The following RGS6 variants were observed in gnomAD, a reference collection of about 807,000 sequenced individuals.
RGS6 encodes the protein regulator of G protein signaling 6.
RGS6 carries 30 observed loss-of-function variants against 78.5 expected under a neutral mutation model. The ratio of observed to expected loss-of-function variants is 0.38; its 90% CI spans 0.29 to 0.52. The LOEUF is 0.52. Ranked by LOEUF, RGS6 falls within the 20% of genes least tolerant of loss-of-function variation. The probability of loss-of-function intolerance (pLI) is 0.85; values close to 1 mark genes in which losing one functional copy is unlikely to be tolerated. For missense variants in RGS6, 495 were observed against 609.7 expected (o/e 0.81, Z 1.98); for synonymous variants, 206 against 206.0 (o/e 1.00, Z 0.00).
At chr14:72,419,641 A>G (rs2094053425) in intron 3 of RGS6, among the ~76,000 whole-genome samples, 1 of 152,166 alleles carries the variant, frequency 6.6e-6, no homozygotes, top group Admixed American at 6.5e-5. Context: ...ACCCTGTGGG[A>G]TGGATAAATC....
intron 2 of RGS6, among the ~76,000 whole-genome samples, chr14:72,053,133 CTTTT>C (rs1210264222): frequency 8.3e-6 from 1 of 119,776 alleles, no homozygotes; most frequent in East Asian, 2.6e-4. Flanking sequence ...TCCTTCCTTT[CTTTT>C]TTTGATGGAG....
At chr14:72,464,106 A>AAG in intron 6 of RGS6, among the ~76,000 whole-genome samples, 1 of 152,344 alleles carries the variant, frequency 6.6e-6, no homozygotes, top group East Asian at 1.9e-4. Flanking sequence ...AAAGTGCATC[A>AAG]AGAATGTAAA....
rs763531026 is a variant in RGS6, at chr14:72,518,341, C to A, written c.1092-10C>A. On this transcript the variant is annotated splice_polypyrimidine_tract_variant and intron_variant, in intron 14 of 17. Transcript: ENST00000553525. The stretch of plus-strand genomic sequence containing the variant: ...CCCTGGAACTGACTGTGTTTCTGCT[C>A]CCACTTCAGGTTCTGGCTGGCTGTC... 6.2e-7 allele frequency: 1 copy of A among 1,610,866 alleles called. No individual in the cohort carries two copies. Among genetic ancestry groups the A allele is most frequent in the African/African-American group, 1.3e-5 (1 of 74,824 alleles).
intron 16 of RGS6, among the ~76,000 whole-genome samples, chr14:72,539,218 T>C (rs1322292235): frequency 6.6e-6 from 1 of 152,152 alleles, no homozygotes; most frequent in Non-Finnish European, 1.5e-5. Context: ...GGGCTTTGCC[T>C]CTCCTCGCTC....
At chr14:72,294,562 C>T (rs1567684795) in intron 2 of RGS6, among the ~76,000 whole-genome samples, 1 of 152,134 alleles carries the variant, frequency 6.6e-6, no homozygotes, top group African/African-American at 2.4e-5. Flanking sequence ...TATAAAGAAA[C>T]GAGGTTTAAT....
At chr14:72,572,208 CT>C in the RGS6 span, among the ~76,000 whole-genome samples, 1 of 152,110 alleles carries the variant, frequency 6.6e-6, no homozygotes. Context: ...ATGTAAAATG[CT>C]GCAGCCGCTT....
At chr14:72,194,935 A>G (rs1024543636) in intron 2 of RGS6, among the ~76,000 whole-genome samples, 1 of 152,060 alleles carries the variant, frequency 6.6e-6, no homozygotes, top group African/African-American at 2.4e-5. Flanking sequence ...GGCTGGGTGC[A>G]GTGGCTCACA....
At chr14:71,978,776 A>G (rs995193261) in intron 2 of RGS6, among the ~76,000 whole-genome samples, 3 of 152,206 alleles carry the variant, frequency 2.0e-5, no homozygotes, top group Non-Finnish European at 2.9e-5. Flanking sequence ...CGCTGGCCTC[A>G]TAAAATGAGT....
At chr14:72,550,465 A>C in intron 17 of RGS6, 1 of 1,535,612 alleles carries the variant, frequency 6.5e-7, no homozygotes, top group Non-Finnish European at 8.7e-7. Flanking sequence ...GAAAAGACAG[A>C]CTGTCAAGCA....
At chr14:71,944,197 C>T (rs2091114386) in intron 1 of RGS6, among the ~76,000 whole-genome samples, 1 of 152,222 alleles carries the variant, frequency 6.6e-6, no homozygotes, top group African/African-American at 2.4e-5. Context: ...GCCTACAAAA[C>T]TATGGGTCCG....
At chr14:72,616,095 C>A in the RGS6 span, among the ~76,000 whole-genome samples, 1 of 152,148 alleles carries the variant, frequency 6.6e-6, no homozygotes, top group African/African-American at 2.4e-5. Flanking sequence ...AGACCCGGGC[C>A]AGGATCTTTA....
chr14:71,884,417 T>C, the RGS6 span, among the ~76,000 whole-genome samples: 11 of 152,202 alleles, frequency 7.2e-5, no homozygotes, highest in African/African-American at 2.7e-4. Context: ...AGTGAGGTTA[T>C]TTGGAGTTGG....
At chr14:72,061,131 C>T (rs1311811121) in intron 2 of RGS6, among the ~76,000 whole-genome samples, 1 of 152,208 alleles carries the variant, frequency 6.6e-6, no homozygotes, top group Non-Finnish European at 1.5e-5. Context: ...GTGTTGCAAG[C>T]TTTAAGAGCC....
chr14:71,978,794 G>T (rs1156247124), intron 2 of RGS6, among the ~76,000 whole-genome samples: 1 of 152,088 alleles, frequency 6.6e-6, no homozygotes, highest in African/African-American at 2.4e-5. Context: ...AGTTAGGGAG[G>T]ATTCCCTCTT....
At chr14:72,625,788 C>A in the RGS6 span, among the ~76,000 whole-genome samples, 1 of 151,972 alleles carries the variant, frequency 6.6e-6, no homozygotes, top group Admixed American at 6.5e-5. Context: ...ATAGTGATAC[C>A]CACTATTCCA....
intron 12 of RGS6, among the ~76,000 whole-genome samples, chr14:72,489,470 T>A (rs1020817866): frequency 2.0e-5 from 3 of 152,242 alleles, no homozygotes; most frequent in Admixed American, 2.0e-4. Context: ...CTGTGAAACC[T>A]GTGAATGTGA....
chr14:72,259,974 C>G (rs2153882161), intron 2 of RGS6, among the ~76,000 whole-genome samples: 1 of 150,378 alleles, frequency 6.6e-6, no homozygotes, highest in East Asian at 2.0e-4. Flanking sequence ...AAAACAACCT[C>G]AACTTCCAAA....
chr14:72,458,502 G>C, intron 5 of RGS6, 125 bp downstream of exon 5: 1 of 708,616 alleles, frequency 1.4e-6, no homozygotes, highest in East Asian at 2.7e-5. Flanking sequence ...ATCAGCACTG[G>C]GAAAGCCAAG....
chr14:72,355,632 A>G (rs1189368850), intron 3 of RGS6, among the ~76,000 whole-genome samples: 1 of 152,184 alleles, frequency 6.6e-6, no homozygotes, highest in Non-Finnish European at 1.5e-5. Flanking sequence ...GTAGAGGAGG[A>G]AATAAGTAAG....
Sources: allele counts gnomAD v4.1 joint callset (sites outside exome capture counted in the v4.1 genomes callset), GRCh38; gene constraint gnomAD v4.1.1; transcripts MANE v1.5; gene names NCBI Gene and HGNC (gene_info 2026-07-23, HGNC 2026-07-21).